The following ASPH variants were observed in gnomAD, a reference collection of about 807,000 sequenced individuals.
The protein encoded by ASPH is aspartyl/asparaginyl beta-hydroxylase.
In ASPH, 100 loss-of-function variants were observed where a neutral mutation model predicts 118.4. That is an observed-to-expected ratio of 0.84 (90% confidence interval 0.72 to 1.00). ASPH has a LOEUF of 1.00. Among genes scored for constraint, ASPH ranks in the 50% least tolerant of loss-of-function variants. The pLI is 0.00. For synonymous variants in ASPH, 315 were observed against 325.6 expected, an observed-to-expected ratio of 0.97 and a Z score of 0.35; for missense variants, 920 against 919.5, an observed-to-expected ratio of 1.00 and a Z score of -0.01.
chr8:61,673,491 AT>A (rs1463372696), intron 3 of ASPH, among the ~76,000 whole-genome samples: 1 of 152,218 alleles, frequency 6.6e-6, no homozygotes, highest in African/African-American at 2.4e-5. Context: ...AGACAACACT[AT>A]ATCTCAACAC....
chr8:61,524,385 CAGG>C (rs1212891496), intron 22 of ASPH, among the ~76,000 whole-genome samples: 2 of 151,556 alleles, frequency 1.3e-5, no homozygotes, highest in African/African-American at 4.9e-5. Flanking sequence ...CAAAAAAGAA[CAGG>C]AGAAGGAAGA....
chr8:61,509,599 T>C (rs1808034909), intron 24 of ASPH, among the ~76,000 whole-genome samples: 1 of 152,170 alleles, frequency 6.6e-6, no homozygotes, highest in Non-Finnish European at 1.5e-5. Flanking sequence ...TATCTCATCC[T>C]GTGACTTAGA....
intron 10 of ASPH, among the ~76,000 whole-genome samples, chr8:61,640,442 G>A (rs1398749920): frequency 6.6e-6 from 1 of 152,172 alleles, no homozygotes; most frequent in Non-Finnish European, 1.5e-5. Flanking sequence ...ACTCTTGCAA[G>A]TTCACGTCAG....
rs116989535 is a variant in ASPH, at chr8:61,590,533, C to T, written c.977-6504G>A. On this transcript the variant is annotated intron_variant, in intron 14 of 24. Coordinates refer to ENST00000379454, the MANE Select transcript of ASPH (RefSeq NM_004318.4). Reference sequence around the variant, plus strand: ...ACAATTTTGTATGGCTGATTAAATACGGACCTTAATTTAACTCTGTGTGTG... The same window carrying T: ...ACAATTTTGTATGGCTGATTAAATATGGACCTTAATTTAACTCTGTGTGTG... 1.4e-3 allele frequency among the ~76,000 whole-genome samples: 196 copies of T among 144,718 alleles called. 5 individuals carry two copies. In the East Asian group the frequency reaches 0.017, roughly 12 times the overall value. 94.9% of individuals were successfully genotyped at this position (144,718 alleles called of 152,430 possible).
At chr8:61,519,216 A>G (rs914554576) in intron 22 of ASPH, among the ~76,000 whole-genome samples, 3 of 152,080 alleles carry the variant, frequency 2.0e-5, no homozygotes, top group African/African-American at 7.2e-5. Context: ...GATAAATTTT[A>G]TTTCTTTATA....
chr8:61,528,219 A>C (rs1032139460), intron 21 of ASPH, among the ~76,000 whole-genome samples: 1 of 152,180 alleles, frequency 6.6e-6, no homozygotes, highest in African/African-American at 2.4e-5. Flanking sequence ...CAATAAAGAG[A>C]CATTCAAAAG....
chr8:61,683,302 A>G (rs1829020085), intron 2 of ASPH, among the ~76,000 whole-genome samples: 1 of 152,136 alleles, frequency 6.6e-6, no homozygotes, highest in South Asian at 2.1e-4. Flanking sequence ...ACACATTCAA[A>G]TATATATAAT....
chr8:61,522,993 A>T (rs1813710063), intron 22 of ASPH, among the ~76,000 whole-genome samples: 1 of 152,120 alleles, frequency 6.6e-6, no homozygotes, highest in African/African-American at 2.4e-5. Context: ...CAGTCCATAG[A>T]AGAGACCTAC....
intron 24 of ASPH, among the ~76,000 whole-genome samples, chr8:61,507,751 C>T (rs567173853): frequency 6.6e-6 from 1 of 152,308 alleles, no homozygotes; most frequent in South Asian, 2.1e-4. Context: ...ATGCAAAGAA[C>T]TAGTTTTCAG....
At chr8:61,587,142 A>G (rs1427992223) in intron 14 of ASPH, among the ~76,000 whole-genome samples, 2 of 152,166 alleles carry the variant, frequency 1.3e-5, no homozygotes, top group Non-Finnish European at 2.9e-5. Context: ...ATCTTCTATT[A>G]TATTTATTTG....
At chr8:61,506,416 A>G (rs1806589873) in intron 24 of ASPH, among the ~76,000 whole-genome samples, 1 of 152,234 alleles carries the variant, frequency 6.6e-6, no homozygotes, top group Non-Finnish European at 1.5e-5. Flanking sequence ...TGGTTATACA[A>G]TATGGATGTA....
At chr8:61,644,050 A>C (rs762366098) in intron 7 of ASPH, 49 bp from the exon 8 acceptor site, 1 of 1,389,394 alleles carries the variant, frequency 7.2e-7, no homozygotes, top group South Asian at 1.2e-5. Context: ...TAAGGAATAC[A>C]TGTAATATTC....
At chr8:61,666,521 A>G (rs1819695170) in intron 3 of ASPH, among the ~76,000 whole-genome samples, 1 of 152,220 alleles carries the variant, frequency 6.6e-6, no homozygotes, top group Non-Finnish European at 1.5e-5. Flanking sequence ...CTTTAATATA[A>G]TAAAATGTGA....
At chr8:61,649,961 T>C (rs933296539) in intron 5 of ASPH, among the ~76,000 whole-genome samples, 14 of 152,150 alleles carry the variant, frequency 9.2e-5, no homozygotes, top group Non-Finnish European at 2.1e-4. Flanking sequence ...TCCTTTCCTG[T>C]CTCTGGGATA....
intron 3 of ASPH, among the ~76,000 whole-genome samples, chr8:61,679,965 ACAC>A (rs1200988584): frequency 6.6e-6 from 1 of 150,632 alleles, no homozygotes; most frequent in Admixed American, 6.6e-5. Flanking sequence ...AAAACAAAAA[ACAC>A]CAACACAGGT....
chr8:61,528,591 C>T (rs1816373767), intron 21 of ASPH, among the ~76,000 whole-genome samples: 1 of 118,864 alleles, frequency 8.4e-6, no homozygotes, highest in Non-Finnish European at 1.7e-5. Flanking sequence ...TGGTTGGAAA[C>T]AGCTGATCTT....
rs931546837 is a variant in ASPH at position 61,576,638 on chromosome 8, T to C, written c.1149+134A>G. On this transcript the variant is annotated intron_variant, in intron 16 of 24. Transcript: ENST00000379454. ...CATGCAATAGTGATAATTGTATTTC[T>C]TGCTTATGCATATACATGAGAAACT... The C allele has an allele frequency of 5.9e-6, 4 of 672,634 alleles. No individual in the cohort carries two copies. The African/African-American group carries it at 7.2e-5, about 12-fold the overall frequency. The allele number at this position is 672,634 out of a possible 1,614,324, so 41.7% of individuals were successfully genotyped here.
At chr8:61,623,394 TAG>T (rs1238660393) in intron 13 of ASPH, among the ~76,000 whole-genome samples, 1 of 152,230 alleles carries the variant, frequency 6.6e-6, no homozygotes, top group East Asian at 1.9e-4. Context: ...ATCAGGTTAT[TAG>T]ATTTTTCCCT....
rs1836160779 is a variant in ASPH at position 61,578,564 on chromosome 8, G to T, written c.1063-1706C>A. 2.2e-5 allele frequency: 33 copies of T among 1,523,258 alleles called. No homozygotes were observed. In the South Asian group the frequency reaches 3.6e-4, roughly 16 times the overall value. The allele number at this position is 1,523,258 out of a possible 1,614,324, so 94.4% of individuals were successfully genotyped here. On this transcript the variant is annotated intron_variant, in intron 15 of 24. Coordinates refer to ENST00000379454, the MANE Select transcript of ASPH (RefSeq NM_004318.4). The stretch of plus-strand genomic sequence containing the variant: ...ACAAGGTACGGTTCCTGGAGCAGCA[G>T]AACAAGATGCTGGAGACCAAGTGGA...
Sources: allele counts gnomAD v4.1 joint callset (sites outside exome capture counted in the v4.1 genomes callset), GRCh38; gene constraint gnomAD v4.1.1; transcripts MANE v1.5; gene names NCBI Gene and HGNC (gene_info 2026-07-23, HGNC 2026-07-21).